The following ANK1 variants were observed in gnomAD, a reference collection of about 807,000 sequenced individuals.
ANK1 encodes ankyrin-1.
In ANK1, 51 loss-of-function variants were observed where a neutral mutation model predicts 210.4. That is an observed-to-expected ratio of 0.24 (90% confidence interval 0.19 to 0.31). The LOEUF is 0.31. ANK1 is among the 10% of genes least tolerant of loss of function. The pLI is 1.00. For synonymous variants in ANK1, 967 were observed against 1,025.9 expected, an observed-to-expected ratio of 0.94 and a Z score of 1.10; for missense variants, 2,051 against 2,504.4, an observed-to-expected ratio of 0.82 and a Z score of 3.86.
chr8:41,864,725 A>G (rs903074103), intron 1 of ANK1, among the ~76,000 whole-genome samples: 2 of 152,142 alleles, frequency 1.3e-5, no homozygotes, highest in Non-Finnish European at 2.9e-5. Context: ...CAGACCCCTT[A>G]CCAACCTAAC....
Position 41,653,672 on chromosome 8 carries a change from C to G in ANK1, c.*2118G>C, listed in dbSNP as rs1465119025. 2.0e-5 allele frequency: 3 copies of G among 152,478 alleles called. No homozygotes were observed. The East Asian group carries it at 5.8e-4, about 30-fold the overall frequency. The allele number at this position is 152,478 out of a possible 1,614,324, so 9.4% of individuals were successfully genotyped here. A position where few individuals can be genotyped will look rare whatever the true frequency, so the allele number is the denominator to read the frequency against. On this transcript the variant is annotated 3_prime_UTR_variant, in exon 43 of 43. Coordinates refer to ENST00000289734, the MANE Select transcript of ANK1 (RefSeq NM_000037.4). ...TCCTTGGGCCGTCACCGAATCGGTC[C>G]CAGCCGCGCTGTGCGGCCCCCCTGC...
In ANK1 at chr8:41,719,799, G is replaced by A; in HGVS notation, c.969C>T (p.Leu323=). Residue 323 remains leucine (L), a synonymous_variant, in exon 10 of 43, where the codon CTC becomes CTT. Coordinates refer to ENST00000289734, the MANE Select transcript of ANK1 (RefSeq NM_000037.4). ...AQGDHLDCVR[L]LLQYDAEIDD... is the part of the protein sequence containing the mutation. The stretch of plus-strand genomic sequence containing the variant: ...CTATCTCTGCGTCGTATTGCAACAG[G>A]AGCCGGACACAGTCGAGGTGGTCTC... The A allele has an allele frequency of 1.2e-6, 2 of 1,614,234 alleles. No homozygotes were observed. Among genetic ancestry groups the A allele is most frequent in the South Asian group, 2.2e-5 (2 of 91,082 alleles).
rs756505766 is a variant in ANK1 at position 41,668,299 on chromosome 8, C to T, written c.5362G>A (p.Glu1788Lys). ...RQQGQEEQVQ[E>K]AKNTFTQVVQ... ...ACTTGGGTGAAGGTGTTCTTGGCCT[C>T]CTGCACCTGCTCTTCTTGGCCTTGC... Residue 1788 changes from glutamate to lysine, a missense_variant, in exon 39 of 43, where the codon GAG becomes AAG. This residue lies in a region of ANK1 where 496 missense variants were observed against 533.4 expected (regional missense o/e 0.93). Coordinates refer to ENST00000289734, the MANE Select transcript of ANK1 (RefSeq NM_000037.4). 7.4e-6 allele frequency: 12 copies of T among 1,614,130 alleles called. No individual in the cohort carries two copies. The highest frequency in any genetic ancestry group is 1.7e-5 in the Admixed American group (1 of 60,008).
chr8:41,842,353 C>T lies in ANK1; in HGVS notation c.126+54002G>A, dbSNP rs1034201691. Among the ~76,000 whole-genome samples, 7 of 152,154 alleles carry T rather than the reference C, an allele frequency of 4.6e-5. No individual in the cohort carries two copies. The East Asian group carries it at 9.7e-4, about 21-fold the overall frequency. On this transcript the variant is annotated intron_variant, in intron 1 of 42. Coordinates refer to the ANK1 transcript ENST00000265709. ...CTAAAAATACAAAAAATTAGCTGGG[C>T]GTGGTGGTGGGCGCCTATAATCCCA...
At chr8:41,776,132 A>G (rs1002671201) in intron 1 of ANK1, among the ~76,000 whole-genome samples, 1 of 152,136 alleles carries the variant, frequency 6.6e-6, no homozygotes, top group East Asian at 1.9e-4. Context: ...TGGGCTTTGC[A>G]CCATTCTGCA....
chr8:41,857,778 C>A (rs1264708211), intron 1 of ANK1, among the ~76,000 whole-genome samples: 1 of 151,548 alleles, frequency 6.6e-6, no homozygotes, highest in East Asian at 1.9e-4. Flanking sequence ...GTGGCGCATG[C>A]CTGTAATCCC....
Position 41,672,889 on chromosome 8 carries a change from G to C in ANK1, c.4561C>G (p.Leu1521Val). Residue 1521 changes from leucine to valine, a missense_variant, in exon 38 of 43, where the codon CTG (leucine) becomes GTG (valine). Physicochemically the swap from Leu to Val is conservative, Grantham distance 32. This residue lies in a region of ANK1 where 496 missense variants were observed against 533.4 expected (regional missense o/e 0.93). Coordinates refer to ENST00000289734, the MANE Select transcript of ANK1 (RefSeq NM_000037.4). ...MNGYSSLQDE[L>V]LSPASLGCAL... ...CAGCCCAGGGAGGCAGGGGACAGCA[G>C]CTCGTCCTGCAGTGAGGAGTAACCT... The C allele has an allele frequency of 6.2e-7, 1 of 1,603,552 alleles. No homozygotes were observed. Among genetic ancestry groups the C allele is most frequent in the Non-Finnish European group, 8.5e-7 (1 of 1,179,848 alleles).
intron 31 of ANK1, 150 bp downstream of exon 31, chr8:41,692,498 G>T: frequency 1.3e-6 from 1 of 778,028 alleles, no homozygotes; most frequent in Non-Finnish European, 2.1e-6. Context: ...GCTTCTCTAA[G>T]ATGCTTCTCA....
At chr8:41,743,222 C>A (rs1252449762) in intron 2 of ANK1, among the ~76,000 whole-genome samples, 1 of 152,082 alleles carries the variant, frequency 6.6e-6, no homozygotes, top group Non-Finnish European at 1.5e-5. Flanking sequence ...GACTGCCATA[C>A]TTACTCCAAA....
At chr8:41,775,268 C>T (rs1023316303) in intron 1 of ANK1, among the ~76,000 whole-genome samples, 10 of 152,162 alleles carry the variant, frequency 6.6e-5, no homozygotes, top group African/African-American at 2.4e-4. Flanking sequence ...CAGGGGGTAC[C>T]CTGAGACTCC....
chr8:41,715,773 G>A lies in ANK1; in HGVS notation c.1481C>T (p.Ala494Val), dbSNP rs1324166375. The A allele has an allele frequency of 1.2e-6, 2 of 1,614,082 alleles. No individual in the cohort carries two copies. The highest frequency in any genetic ancestry group is 2.7e-5 in the African/African-American group (2 of 74,926). The change falls in exon 14 of 43, where the codon GCC becomes GTC. Residue 494 changes from alanine (A) to valine (V), a missense_variant. Coordinates refer to ENST00000289734, the MANE Select transcript of ANK1 (RefSeq NM_000037.4). ...GGCGGTGGTGGCCAGGTTGGGGTTGGCGTTATTTTCCAGCAGGAGCTTCAC... is the reference window on the plus strand; with the variant it reads ...GGCGGTGGTGGCCAGGTTGGGGTTGACGTTATTTTCCAGCAGGAGCTTCAC... ...NMVKLLLENNANPNLATTAGH... is the reference protein window; with the variant it reads ...NMVKLLLENNVNPNLATTAGH...
chr8:41,712,550 C>T (rs1056260353), intron 16 of ANK1, among the ~76,000 whole-genome samples: 3 of 152,182 alleles, frequency 2.0e-5, no homozygotes, highest in African/African-American at 4.8e-5. Flanking sequence ...TGGAAAGTCA[C>T]GGAGAGGGGA....
At chr8:41,701,268 C>T (rs1822704071) in intron 22 of ANK1, among the ~76,000 whole-genome samples, 1 of 152,198 alleles carries the variant, frequency 6.6e-6, no homozygotes. Context: ...GAACCACGCT[C>T]CGATTTCATA....
intron 1 of ANK1, among the ~76,000 whole-genome samples, chr8:41,788,224 T>A (rs891360800): frequency 1.1e-4 from 16 of 152,344 alleles, no homozygotes; most frequent in African/African-American, 3.8e-4. Flanking sequence ...GATTGCGCCC[T>A]TACCAGGACA....
At position 41,696,393 on chromosome 8, in the gene ANK1, G is replaced by T; in HGVS notation, c.2930C>A (p.Ala977Glu). ...GAACTGTGCCCCCGTGGGCCCCAGT[G>T]CTATGATCCTGCTGGCCAGGCCCTC... ...EEEGLASRII[A>E]LGPTGAQFLS... The change falls in exon 26 of 43, where the codon GCA (alanine) becomes GAA (glutamate). Residue 977 changes from alanine (A) to glutamate (E), a missense_variant. Ala to Glu is a moderately radical substitution (Grantham distance 107). Transcript: ENST00000289734. 1 of 1,613,396 alleles carries T rather than the reference G, an allele frequency of 6.2e-7. No homozygotes were observed. The highest frequency in any genetic ancestry group is 8.5e-7 in the Non-Finnish European group (1 of 1,179,948).
chr8:41,856,848 C>G (rs947590007), intron 1 of ANK1, among the ~76,000 whole-genome samples: 2 of 146,798 alleles, frequency 1.4e-5, no homozygotes, highest in African/African-American at 2.5e-5. Context: ...CCACAACGGT[C>G]TTTCGCCTTG....
chr8:41,843,742 G>A (rs921526355), intron 1 of ANK1, among the ~76,000 whole-genome samples: 3 of 152,170 alleles, frequency 2.0e-5, no homozygotes, highest in African/African-American at 4.8e-5. Context: ...TCTTCAAGGC[G>A]ATTTTAGGAC....
At chr8:41,683,771 T>C in intron 37 of ANK1, among the ~76,000 whole-genome samples, 1 of 152,276 alleles carries the variant, frequency 6.6e-6, no homozygotes, top group African/African-American at 2.4e-5. Flanking sequence ...GGGGCCTCGC[T>C]GTTTATGTGC....
intron 37 of ANK1, among the ~76,000 whole-genome samples, chr8:41,677,736 C>T (rs922251655): frequency 4.0e-5 from 6 of 151,492 alleles, no homozygotes; most frequent in Non-Finnish European, 5.9e-5. Context: ...AGTACAGGCA[C>T]GCACCACCAT....
Sources: gnomAD v4.1 joint callset for allele counts (sites outside exome capture counted in the v4.1 genomes callset) on GRCh38, gnomAD v4.1.1 for gene constraint, gnomAD v4.1.1 regional missense constraint, MANE v1.5 for transcripts, NCBI Gene and HGNC (gene_info 2026-07-23, HGNC 2026-07-21) for gene names.